ZMYND8: variants seen among roughly 807,000 people sequenced by gnomAD.
The protein encoded by ZMYND8 is MYND-type zinc finger-containing chromatin reader ZMYND8.
In ZMYND8, 37 loss-of-function variants were observed where a neutral mutation model predicts 140.8. The ratio of observed to expected loss-of-function variants is 0.26; its 90% CI spans 0.20 to 0.35. The LOEUF (loss-of-function observed/expected upper bound fraction) is 0.35, where lower values mean the gene tolerates loss of function less well. Ranked by LOEUF, ZMYND8 falls within the 10% of genes least tolerant of loss-of-function variation. The pLI is 1.00. For synonymous variants in ZMYND8, 592 were observed against 597.1 expected (o/e 0.99, Z 0.12); for missense variants, 1,068 against 1,570.0 (o/e 0.68, Z 5.40).
At chr20:47,348,130 T>C in intron 1 of ZMYND8, 1 of 598,090 alleles carries the variant, frequency 1.7e-6, no homozygotes, top group South Asian at 1.9e-5. Flanking sequence ...TTGTTCTTTT[T>C]TTTTTTAAGT....
At chr20:47,242,941 A>T (rs1419210382) in intron 14 of ZMYND8, among the ~76,000 whole-genome samples, 1 of 152,334 alleles carries the variant, frequency 6.6e-6, no homozygotes, top group Non-Finnish European at 1.5e-5. Context: ...CTGCCCTATC[A>T]AATTAACCTA....
intron 12 of ZMYND8, among the ~76,000 whole-genome samples, chr20:47,253,004 A>T (rs948812803): frequency 6.6e-6 from 1 of 152,258 alleles, no homozygotes; most frequent in Non-Finnish European, 1.5e-5. Context: ...CATGAACACT[A>T]CATAAACAGA....
Position 47,356,662 on chromosome 20 carries a change from T to C in ZMYND8, c.9A>G (p.Pro3=). ...GGTTAAAAAGTCGAGCTTACCTCTGTGGATGCATTGTTAACACTGTGTAAT... is the reference window on the plus strand; with the variant it reads ...GGTTAAAAAGTCGAGCTTACCTCTGCGGATGCATTGTTAACACTGTGTAAT... MH[P]QSLAEEEIKT... Residue 3 remains proline, a synonymous_variant, in exon 1 of 23, where the codon CCA becomes CCG. Transcript: ENST00000471951. The C allele has an allele frequency of 6.2e-7, 1 of 1,614,166 alleles. No individual in the cohort carries two copies.
At chr20:47,333,987 C>T (rs1255626828) in intron 2 of ZMYND8, among the ~76,000 whole-genome samples, 1 of 152,120 alleles carries the variant, frequency 6.6e-6, no homozygotes, top group South Asian at 2.1e-4. Flanking sequence ...AAATAAGCAT[C>T]GAATATACAT....
At chr20:47,265,694 C>T (rs976953574) in intron 11 of ZMYND8, among the ~76,000 whole-genome samples, 6 of 152,262 alleles carry the variant, frequency 3.9e-5, no homozygotes, top group South Asian at 2.1e-4. Context: ...CCACCCACCT[C>T]GGCCTCCCAA....
At chr20:47,248,631 G>A (rs2073920755) in intron 13 of ZMYND8, among the ~76,000 whole-genome samples, 2 of 152,154 alleles carry the variant, frequency 1.3e-5, no homozygotes, top group Non-Finnish European at 2.9e-5. Context: ...CTCATAAAAC[G>A]GCCTCCCTGC....
chr20:47,335,219 T>C (rs2081296238), intron 2 of ZMYND8, among the ~76,000 whole-genome samples: 2 of 151,950 alleles, frequency 1.3e-5, no homozygotes, highest in African/African-American at 2.4e-5. Flanking sequence ...GCACTCCAGC[T>C]TGGGCGACAG....
chr20:47,350,336 A>C (rs998538408), intron 1 of ZMYND8, among the ~76,000 whole-genome samples: 7 of 151,042 alleles, frequency 4.6e-5, no homozygotes, highest in African/African-American at 1.5e-4. Flanking sequence ...GAGAAAAAAA[A>C]AAAAAAAAAA....
intron 2 of ZMYND8, among the ~76,000 whole-genome samples, chr20:47,314,979 T>C (rs1163301664): frequency 6.6e-6 from 1 of 152,074 alleles, no homozygotes; most frequent in Admixed American, 6.6e-5. Flanking sequence ...AGGAGTGCAA[T>C]TTCTAGGGAC....
At chr20:47,212,406 C>T (rs577570702) in intron 22 of ZMYND8, among the ~76,000 whole-genome samples, 4 of 152,118 alleles carry the variant, frequency 2.6e-5, no homozygotes, top group Admixed American at 1.3e-4. Flanking sequence ...ATGAAAAGAG[C>T]GAGGACGATC....
intron 5 of ZMYND8, 120 bp from the exon 6 acceptor site, chr20:47,292,008 T>A: frequency 1.2e-6 from 1 of 810,070 alleles, no homozygotes; most frequent in Non-Finnish European, 1.8e-6. Context: ...GTTCTAAAGT[T>A]TTCCATAAAG....
intron 11 of ZMYND8, among the ~76,000 whole-genome samples, chr20:47,271,186 C>T (rs1345796677): frequency 1.3e-5 from 2 of 152,148 alleles, no homozygotes; most frequent in Non-Finnish European, 2.9e-5. Flanking sequence ...TTCAGAAAGG[C>T]ACAACTCTCT....
chr20:47,259,566 A>G (rs1213098774), intron 12 of ZMYND8, among the ~76,000 whole-genome samples: 1 of 152,144 alleles, frequency 6.6e-6, no homozygotes, highest in African/African-American at 2.4e-5. Context: ...GTCACTGGGC[A>G]CAGGTGGCCG....
chr20:47,281,602 C>T (rs892503761), intron 10 of ZMYND8, among the ~76,000 whole-genome samples: 1 of 152,110 alleles, frequency 6.6e-6, no homozygotes, highest in Non-Finnish European at 1.5e-5. Context: ...GGAGGGAGGG[C>T]TCACACCTGT....
chr20:47,279,894 A>G (rs887624010), intron 10 of ZMYND8, among the ~76,000 whole-genome samples: 19 of 152,096 alleles, frequency 1.2e-4, no homozygotes, highest in African/African-American at 4.3e-4. Context: ...AGGCCAAGGC[A>G]GATGGATCGG....
chr20:47,309,070 C>T (rs2078718870), intron 3 of ZMYND8, among the ~76,000 whole-genome samples: 1 of 152,198 alleles, frequency 6.6e-6, no homozygotes, highest in African/African-American at 2.4e-5. Flanking sequence ...CACTAAAGTG[C>T]CTCTCCATTT....
At chr20:47,312,882 C>T (rs113795447) in intron 2 of ZMYND8, among the ~76,000 whole-genome samples, 134 of 152,168 alleles carry the variant, frequency 8.8e-4, no homozygotes, top group African/African-American at 3.2e-3. Context: ...GGTCCTCACC[C>T]GACTCTCGCC....
chr20:47,219,296 T>G (rs3092465), intron 21 of ZMYND8, among the ~76,000 whole-genome samples: 28,010 of 151,342 alleles, frequency 0.19, 3,010 homozygotes, highest in African/African-American at 0.3. Flanking sequence ...GACCTTGTGA[T>G]CCGCCCACCT....
chr20:47,211,195 G>C (rs562880566), intron 22 of ZMYND8, among the ~76,000 whole-genome samples: 1 of 152,182 alleles, frequency 6.6e-6, no homozygotes, highest in Admixed American at 6.5e-5. Context: ...TTCTTGTGCC[G>C]TGTCTGGAAC....
Sources: gnomAD v4.1 joint callset for allele counts (sites outside exome capture counted in the v4.1 genomes callset) on GRCh38, gnomAD v4.1.1 for gene constraint, MANE v1.5 for transcripts, NCBI Gene and HGNC (gene_info 2026-07-23, HGNC 2026-07-21) for gene names.